Variants in SMIM20 observed in about 807,000 individuals in gnomAD.
SMIM20 encodes the protein mitochondrial translation regulation assembly intermediate of cytochrome c oxidase protein of 7 kDa.
In SMIM20, 3 loss-of-function variants were observed where a neutral mutation model predicts 8.7. The ratio of observed to expected loss-of-function variants is 0.34; its 90% CI spans 0.16 to 0.89. The LOEUF is 0.89. Among genes scored for constraint, SMIM20 ranks in the 40% least tolerant of loss-of-function variants. The probability of loss-of-function intolerance (pLI) is 0.49; values close to 1 mark genes in which losing one functional copy is unlikely to be tolerated. For synonymous variants in SMIM20, 44 were observed against 33.6 expected (o/e 1.31, Z -1.07); for missense variants, 85 against 84.8 (o/e 1.00, Z -0.01).
chr4:25,927,636 A>T (rs1036464373), intron 1 of SMIM20, among the ~76,000 whole-genome samples: 1 of 152,224 alleles, frequency 6.6e-6, no homozygotes. Flanking sequence ...CCTTGGGTTT[A>T]TTCTAAACCA....
In SMIM20 at chr4:25,914,337, G is replaced by C; in HGVS notation, c.24G>C (p.Ala8=). Residue 8 remains alanine, a synonymous_variant, in exon 1 of 3, where the codon GCG becomes GCC. Coordinates refer to ENST00000506197, the MANE Select transcript of SMIM20 (RefSeq NM_001145432.3). MSRNLRT[A]LIFGGFISLI... is the part of the protein sequence containing the mutation. ...CCATGTCCCGGAACCTGCGCACCGC[G>C]CTCATTTTCGGCGGCTTCATCTCCC... is the stretch of plus-strand genomic sequence containing the variant. 6.4e-7 allele frequency: 1 copy of C among 1,550,526 alleles called. No individual in the cohort carries two copies. Among genetic ancestry groups the C allele is most frequent in the Non-Finnish European group, 8.7e-7 (1 of 1,146,238 alleles).
intron 1 of SMIM20, 79 bp downstream of exon 1, chr4:25,914,501 G>A: frequency 2.3e-6 from 3 of 1,322,172 alleles, no homozygotes; most frequent in Non-Finnish European, 3.0e-6. Flanking sequence ...ACGTGGTGCC[G>A]TGGAAAGAAC....
At chr4:25,915,899 A>G (rs1719083863) in intron 1 of SMIM20, among the ~76,000 whole-genome samples, 1 of 147,196 alleles carries the variant, frequency 6.8e-6, no homozygotes, top group African/African-American at 2.5e-5. Flanking sequence ...TCTTGTGGAT[A>G]GATGCCAGGG....
intron 1 of SMIM20, among the ~76,000 whole-genome samples, chr4:25,918,354 G>C (rs1325181677): frequency 6.6e-6 from 1 of 152,112 alleles, no homozygotes; most frequent in East Asian, 1.9e-4. Flanking sequence ...TCTTAATTCT[G>C]TTTGTATTTG....
chr4:25,929,211 G>A lies in SMIM20; in HGVS notation c.*20G>A, dbSNP rs1047403750. ...AAATGAGAGGGCTGTCATCAGCTCT[G>A]ATTAAGAAAGGAGATTTCTTCATGC... On this transcript the variant is annotated 3_prime_UTR_variant, in exon 3 of 3. Coordinates refer to ENST00000506197, the MANE Select transcript of SMIM20 (RefSeq NM_001145432.3). 6.4e-7 allele frequency: 1 copy of A among 1,551,576 alleles called. No homozygotes were observed. Among genetic ancestry groups the A allele is most frequent in the African/African-American group, 1.4e-5 (1 of 73,030 alleles).
At chr4:25,922,546 G>A (rs977210747) in intron 1 of SMIM20, among the ~76,000 whole-genome samples, 3 of 152,128 alleles carry the variant, frequency 2.0e-5, no homozygotes, top group South Asian at 2.1e-4. Flanking sequence ...CCTCTCCACC[G>A]TGGAAGGTCC....
intron 1 of SMIM20, among the ~76,000 whole-genome samples, chr4:25,920,418 TAGAA>T (rs1303437733): frequency 1.3e-5 from 2 of 152,110 alleles, no homozygotes; most frequent in Non-Finnish European, 2.9e-5. Flanking sequence ...AATTTTAAAA[TAGAA>T]AGATGTCTAT....
intron 1 of SMIM20, among the ~76,000 whole-genome samples, chr4:25,918,974 G>T (rs1263923080): frequency 4.8e-5 from 6 of 126,250 alleles, no homozygotes; most frequent in Middle Eastern, 0.011. Context: ...GCGCAATCTC[G>T]GCTCACTGCA....
At chr4:25,920,722 A>G (rs777154152) in intron 1 of SMIM20, among the ~76,000 whole-genome samples, 2 of 152,226 alleles carry the variant, frequency 1.3e-5, no homozygotes, top group Non-Finnish European at 2.9e-5. Flanking sequence ...TGCAGGATTC[A>G]TTCAAGGTAA....
At chr4:25,918,221 C>T (rs974590681) in intron 1 of SMIM20, among the ~76,000 whole-genome samples, 3 of 151,806 alleles carry the variant, frequency 2.0e-5, no homozygotes, top group Non-Finnish European at 2.9e-5. Context: ...GGATTACAGG[C>T]GTGAGCCACC....
intron 1 of SMIM20, among the ~76,000 whole-genome samples, chr4:25,925,726 T>C (rs1473712691): frequency 6.6e-6 from 1 of 152,250 alleles, no homozygotes; most frequent in Non-Finnish European, 1.5e-5. Flanking sequence ...AGTGTTTGCA[T>C]TGTTGTGAAT....
At chr4:25,926,053 A>C (rs1462493734) in intron 1 of SMIM20, among the ~76,000 whole-genome samples, 2 of 152,212 alleles carry the variant, frequency 1.3e-5, no homozygotes, top group African/African-American at 4.8e-5. Context: ...TTCACTCCTG[A>C]TAGAAATGTG....
chr4:25,928,755 G>A (rs1218551576), intron 2 of SMIM20, among the ~76,000 whole-genome samples: 1 of 152,244 alleles, frequency 6.6e-6, no homozygotes, highest in African/African-American at 2.4e-5. Context: ...TTGATGTGGG[G>A]TTCTGCTTTG....
chr4:25,918,177 C>T (rs1303251513), intron 1 of SMIM20, among the ~76,000 whole-genome samples: 2 of 151,936 alleles, frequency 1.3e-5, no homozygotes, highest in African/African-American at 4.8e-5. Flanking sequence ...CTCCTGACCT[C>T]GTGATCCGCC....
rs138960013 is a variant in SMIM20 at position 25,920,282 on chromosome 4, A to G, written c.109+5860A>G. ...ATGACAGTGGTCCCATAAGATTATC[A>G]TGGTGCTGAAAAATTTCTGTCGCCT... On this transcript the variant is annotated intron_variant, in intron 1 of 2. Transcript: ENST00000506197. Among the ~76,000 whole-genome samples the G allele has an allele frequency of 6.5e-3, 986 of 152,302 alleles. 6 individuals are homozygous for G. The highest frequency in any genetic ancestry group is 9.6e-3 in the Non-Finnish European group (653 of 68,022).
intron 1 of SMIM20, among the ~76,000 whole-genome samples, chr4:25,921,900 A>T (rs1332809130): frequency 6.6e-6 from 1 of 152,214 alleles, no homozygotes; most frequent in Non-Finnish European, 1.5e-5. Flanking sequence ...CACAAGCCCC[A>T]TAAAGACAGC....
chr4:25,916,123 G>T (rs1201810113), intron 1 of SMIM20, among the ~76,000 whole-genome samples: 1 of 152,192 alleles, frequency 6.6e-6, no homozygotes, highest in Non-Finnish European at 1.5e-5. Flanking sequence ...ATCAGGTGAT[G>T]TTCATCTGTG....
At chr4:25,918,802 C>G (rs1719143572) in intron 1 of SMIM20, among the ~76,000 whole-genome samples, 1 of 151,920 alleles carries the variant, frequency 6.6e-6, no homozygotes, top group Non-Finnish European at 1.5e-5. Context: ...GCATGAGCCA[C>G]TGCTCCCAGC....
intron 1 of SMIM20, among the ~76,000 whole-genome samples, chr4:25,915,377 G>C (rs1276337324): frequency 6.6e-6 from 1 of 152,152 alleles, no homozygotes; most frequent in Non-Finnish European, 1.5e-5. Context: ...GAATCATCTT[G>C]AAGATGGAAG....
Sources: gnomAD v4.1 joint callset for allele counts (sites outside exome capture counted in the v4.1 genomes callset) on GRCh38, gnomAD v4.1.1 for gene constraint, MANE v1.5 for transcripts, NCBI Gene and HGNC (gene_info 2026-07-23, HGNC 2026-07-21) for gene names.